ERBB4: variants seen among roughly 807,000 people sequenced by gnomAD.
ERBB4 encodes the protein receptor tyrosine-protein kinase erbB-4.
Under a neutral mutation model 158.0 loss-of-function variants are expected in ERBB4, and 42 were observed. That is an observed-to-expected ratio of 0.27 (90% CI 0.21 to 0.34). The LOEUF (loss-of-function observed/expected upper bound fraction) is 0.34, where lower values mean the gene tolerates loss of function less well. Ranked by LOEUF, ERBB4 falls within the 10% of genes least tolerant of loss-of-function variation. The pLI is 1.00. For synonymous variants in ERBB4, 583 were observed against 558.7 expected, an observed-to-expected ratio of 1.04 and a Z score of -0.61; for missense variants, 1,333 against 1,624.1, an observed-to-expected ratio of 0.82 and a Z score of 3.08.
chr2:212,172,729 G>A (rs545665016), intron 1 of ERBB4, among the ~76,000 whole-genome samples: 1 of 152,106 alleles, frequency 6.6e-6, no homozygotes, highest in African/African-American at 2.4e-5. Flanking sequence ...GGAGCTAAAT[G>A]ATGAGAACAC....
At chr2:211,876,314 A>G (rs1039017575) in intron 3 of ERBB4, among the ~76,000 whole-genome samples, 6 of 152,134 alleles carry the variant, frequency 3.9e-5, no homozygotes, top group African/African-American at 1.4e-4. Flanking sequence ...CTCTAACTCT[A>G]TCTCACAAAT....
chr2:211,624,250 T>C (rs1269482220), intron 17 of ERBB4, among the ~76,000 whole-genome samples: 1 of 152,142 alleles, frequency 6.6e-6, no homozygotes, highest in Non-Finnish European at 1.5e-5. Context: ...CTGTCCTTTC[T>C]CTTCTCCTGC....
Position 211,861,074 on chromosome 2 carries a change from T to TTATA in ERBB4, c.422-72919_422-72916dup, listed in dbSNP as rs1309745593. On this transcript the variant is annotated intron_variant, in intron 3 of 27. Coordinates refer to ENST00000342788, the MANE Select transcript of ERBB4 (RefSeq NM_005235.3). ...TTATATATATATAAATATAATATAT[T>TTATA]TATATATTATAAAATATATAAATAC... is the stretch of plus-strand genomic sequence containing the variant. Among the ~76,000 whole-genome samples, 359 of 42,914 alleles carry TTATA rather than the reference T, an allele frequency of 8.4e-3. 50 individuals are homozygous for TTATA. Among genetic ancestry groups the TTATA allele is most frequent in the Non-Finnish European group, 9.9e-3 (240 of 24,202 alleles). The allele number at this position is 42,914 out of a possible 152,430, so 28.2% of individuals were successfully genotyped here.
At chr2:211,412,108 A>AC (rs2063275275) in intron 25 of ERBB4, among the ~76,000 whole-genome samples, 1 of 151,956 alleles carries the variant, frequency 6.6e-6, no homozygotes, top group Admixed American at 6.6e-5. Flanking sequence ...GAGAAAAAAA[A>AC]AAAGTTTTTA....
intron 25 of ERBB4, among the ~76,000 whole-genome samples, chr2:211,408,621 C>T (rs2063192820): frequency 6.6e-6 from 1 of 152,174 alleles, no homozygotes; most frequent in Non-Finnish European, 1.5e-5. Flanking sequence ...GCAGCCAAGT[C>T]TAGTGCTGAT....
chr2:212,084,099 A>G (rs1242398400), intron 2 of ERBB4, among the ~76,000 whole-genome samples: 1 of 151,898 alleles, frequency 6.6e-6, no homozygotes, highest in Non-Finnish European at 1.5e-5. Flanking sequence ...CCATGGCACA[A>G]TGCTCCCTCT....
intron 15 of ERBB4, among the ~76,000 whole-genome samples, chr2:211,664,562 T>C (rs190510910): frequency 6.6e-6 from 1 of 152,330 alleles, no homozygotes; most frequent in African/African-American, 2.4e-5. Flanking sequence ...TTGTTGGAAT[T>C]TGTTAGATGA....
intron 3 of ERBB4, among the ~76,000 whole-genome samples, chr2:211,911,798 G>A (rs2079546482): frequency 6.6e-6 from 1 of 150,780 alleles, no homozygotes; most frequent in Non-Finnish European, 1.5e-5. Context: ...ATTTCAGTTA[G>A]ACAGGAGAGG....
intron 2 of ERBB4, among the ~76,000 whole-genome samples, chr2:212,033,321 G>A (rs2076944103): frequency 6.6e-6 from 1 of 151,926 alleles, no homozygotes; most frequent in Non-Finnish European, 1.5e-5. Context: ...AGCTGGGTAT[G>A]TAGCTAATCA....
chr2:211,529,128 G>A (rs1452707046), intron 20 of ERBB4, among the ~76,000 whole-genome samples: 1 of 148,798 alleles, frequency 6.7e-6, no homozygotes, highest in Non-Finnish European at 1.5e-5. Context: ...AAAAAAGAGA[G>A]GAGACCCAAA....
intron 20 of ERBB4, among the ~76,000 whole-genome samples, chr2:211,524,423 C>CGGGGCGGGGGGG (rs1559258462): frequency 2.0e-5 from 3 of 148,956 alleles, no homozygotes; most frequent in African/African-American, 7.8e-5. Context: ...TGCCGTGGAG[C>CGGGGCGGGGGGG]AGGGGGTGGT....
chr2:212,283,154 A>T (rs1342955990), intron 1 of ERBB4, among the ~76,000 whole-genome samples: 1 of 151,988 alleles, frequency 6.6e-6, no homozygotes, highest in Non-Finnish European at 1.5e-5. Context: ...CCAAACCACA[A>T]ACAATCTAGA....
At chr2:211,527,593 T>C (rs947447943) in intron 20 of ERBB4, among the ~76,000 whole-genome samples, 1 of 151,982 alleles carries the variant, frequency 6.6e-6, no homozygotes, top group Admixed American at 6.5e-5. Context: ...CCACTCTTAT[T>C]TTAAGTAGAA....
intron 3 of ERBB4, among the ~76,000 whole-genome samples, chr2:211,798,969 T>C (rs1195302683): frequency 6.6e-6 from 1 of 152,152 alleles, no homozygotes; most frequent in Non-Finnish European, 1.5e-5. Flanking sequence ...CTATATTCTG[T>C]GACAGCATTT....
chr2:212,422,749 T>C (rs990641114), intron 1 of ERBB4, among the ~76,000 whole-genome samples: 6 of 152,194 alleles, frequency 3.9e-5, no homozygotes, highest in Admixed American at 1.3e-4. Context: ...CATGAAACCA[T>C]TTTTCTTGGC....
intron 2 of ERBB4, among the ~76,000 whole-genome samples, chr2:212,059,651 C>T (rs967791840): frequency 3.3e-5 from 5 of 152,136 alleles, no homozygotes; most frequent in Non-Finnish European, 5.9e-5. Context: ...CATCTACAAC[C>T]ATCTGATCTT....
At chr2:211,895,049 G>A (rs1216910545) in intron 3 of ERBB4, among the ~76,000 whole-genome samples, 2 of 152,158 alleles carry the variant, frequency 1.3e-5, no homozygotes, top group East Asian at 3.9e-4. Flanking sequence ...TAGAGATAAT[G>A]TGGTATAGTC....
chr2:211,908,671 G>T (rs899350333), intron 3 of ERBB4, among the ~76,000 whole-genome samples: 9 of 151,632 alleles, frequency 5.9e-5, no homozygotes, highest in African/African-American at 2.2e-4. Context: ...TGACATTACT[G>T]CAATATAACA....
chr2:211,726,377 C>G (rs2106136975), intron 5 of ERBB4, among the ~76,000 whole-genome samples: 1 of 152,242 alleles, frequency 6.6e-6, no homozygotes, highest in Non-Finnish European at 1.5e-5. Flanking sequence ...GCATTTCTAG[C>G]TGTCTACAGA....
Sources: gnomAD v4.1 joint callset for allele counts (sites outside exome capture counted in the v4.1 genomes callset) on GRCh38, gnomAD v4.1.1 for gene constraint, MANE v1.5 for transcripts, NCBI Gene and HGNC (gene_info 2026-07-23, HGNC 2026-07-21) for gene names.